ZNF385B: variants seen among roughly 807,000 people sequenced by gnomAD.
ZNF385B encodes zinc finger protein 533.
In ZNF385B, 23 loss-of-function variants were observed where a neutral mutation model predicts 39.2. The observed-to-expected ratio is 0.59, with a 90% CI of 0.42 to 0.83. The LOEUF is 0.83. ZNF385B is among the 40% of genes least tolerant of loss of function. The probability of loss-of-function intolerance (pLI) is 0.00; values close to 1 mark genes in which losing one functional copy is unlikely to be tolerated. For missense variants in ZNF385B, 552 were observed against 598.9 expected, an observed-to-expected ratio of 0.92 and a Z score of 0.82; for synonymous variants, 205 against 222.6, an observed-to-expected ratio of 0.92 and a Z score of 0.70.
intron 3 of ZNF385B, among the ~76,000 whole-genome samples, chr2:179,570,118 A>C (rs1025759426): frequency 1.3e-5 from 2 of 152,162 alleles, no homozygotes; most frequent in African/African-American, 4.8e-5. Flanking sequence ...TTACTGGGGC[A>C]TGTAGGGGAT....
chr2:179,720,742 A>T (rs1209053601), intron 3 of ZNF385B, among the ~76,000 whole-genome samples: 2 of 152,090 alleles, frequency 1.3e-5, no homozygotes, highest in East Asian at 3.9e-4. Flanking sequence ...AATATAAAAG[A>T]AAATACCAAA....
At chr2:179,650,556 C>A (rs1029463861) in intron 3 of ZNF385B, among the ~76,000 whole-genome samples, 1 of 152,118 alleles carries the variant, frequency 6.6e-6, no homozygotes, top group Non-Finnish European at 1.5e-5. Flanking sequence ...CATGCTTGAG[C>A]TTAGTGCAAA....
At chr2:179,481,184 G>T (rs1489578476) in intron 6 of ZNF385B, 1 of 152,164 alleles carries the variant, frequency 6.6e-6, no homozygotes, top group African/African-American at 2.4e-5. Context: ...TGCTTAGAAA[G>T]TGTCTTTGTT....
At chr2:179,592,706 A>G (rs925913458) in intron 3 of ZNF385B, among the ~76,000 whole-genome samples, 1 of 152,116 alleles carries the variant, frequency 6.6e-6, no homozygotes, top group Admixed American at 6.5e-5. Context: ...TTGTTGCATT[A>G]TGTTAATTAT....
At chr2:179,626,560 G>C (rs1024512234) in intron 3 of ZNF385B, among the ~76,000 whole-genome samples, 2 of 152,134 alleles carry the variant, frequency 1.3e-5, no homozygotes, top group African/African-American at 2.4e-5. Flanking sequence ...TTTAGTATTA[G>C]TGTCTGCAGA....
intron 3 of ZNF385B, among the ~76,000 whole-genome samples, chr2:179,768,504 C>T (rs1703832980): frequency 6.6e-6 from 1 of 152,102 alleles, no homozygotes; most frequent in Admixed American, 6.5e-5. Context: ...ATTTACAACA[C>T]ACCAAGAACC....
intron 1 of ZNF385B, among the ~76,000 whole-genome samples, chr2:179,846,764 G>A (rs1708821830): frequency 1.3e-5 from 2 of 152,218 alleles, no homozygotes; most frequent in South Asian, 4.1e-4. Context: ...TAGCTTTCAG[G>A]CAGGGGCTAA....
In ZNF385B at chr2:179,861,433, C is replaced by CGCCCGGCCCG. The variant is rs913669410; in HGVS notation, c.-497_-488dup. ...GCGTGTGCCCGGAGCCCGCTGGGCG[C>CGCCCGGCCCG]GCCCGGCCCGGCCCGGCCCCGCCGC... On this transcript the variant is annotated 5_prime_UTR_variant, in exon 1 of 10. Transcript: ENST00000410066. 1.3e-5 allele frequency: 2 copies of CGCCCGGCCCG among 150,756 alleles called. No individual in the cohort carries two copies. Among genetic ancestry groups the CGCCCGGCCCG allele is most frequent in the Admixed American group, 6.6e-5 (1 of 15,080 alleles). 9.3% of individuals were successfully genotyped at this position (150,756 alleles called of 1,614,324 possible). A position where few individuals can be genotyped will look rare whatever the true frequency, so the allele number is the denominator to read the frequency against.
intron 1 of ZNF385B, among the ~76,000 whole-genome samples, chr2:179,851,230 T>G (rs961237498): frequency 2.0e-5 from 3 of 152,208 alleles, no homozygotes; most frequent in African/African-American, 7.2e-5. Context: ...GCAGGAGGAC[T>G]GCTTGAGGCC....
chr2:179,786,654 C>T (rs1339861795), intron 1 of ZNF385B, among the ~76,000 whole-genome samples: 1 of 151,804 alleles, frequency 6.6e-6, no homozygotes, highest in African/African-American at 2.4e-5. Flanking sequence ...ACTTCATCTT[C>T]CCTGGAGCCT....
At chr2:179,523,548 A>G (rs1176789436) in intron 4 of ZNF385B, among the ~76,000 whole-genome samples, 2 of 152,290 alleles carry the variant, frequency 1.3e-5, no homozygotes, top group East Asian at 3.9e-4. Context: ...GCGACTTGAC[A>G]TAATACTAGA....
chr2:179,634,840 T>C (rs1256141016), intron 3 of ZNF385B, among the ~76,000 whole-genome samples: 5 of 152,080 alleles, frequency 3.3e-5, no homozygotes, highest in Non-Finnish European at 5.9e-5. Flanking sequence ...TAAGAAAATG[T>C]GGCACATGGC....
intron 3 of ZNF385B, among the ~76,000 whole-genome samples, chr2:179,759,612 T>C (rs181117600): frequency 6.6e-6 from 1 of 152,280 alleles, no homozygotes; most frequent in East Asian, 1.9e-4. Context: ...GAATGTTTTT[T>C]CTTGAATAAT....
At chr2:179,542,562 T>C (rs1007465927) in intron 4 of ZNF385B, among the ~76,000 whole-genome samples, 5 of 152,198 alleles carry the variant, frequency 3.3e-5, no homozygotes, top group African/African-American at 4.8e-5. Flanking sequence ...CCAAATGACA[T>C]GTTAGTGCAT....
At chr2:179,523,611 T>A (rs1002018597) in intron 4 of ZNF385B, among the ~76,000 whole-genome samples, 1 of 151,840 alleles carries the variant, frequency 6.6e-6, no homozygotes, top group African/African-American at 2.4e-5. Flanking sequence ...GCAGAGAAAA[T>A]AGAATTATAA....
intron 1 of ZNF385B, among the ~76,000 whole-genome samples, chr2:179,835,302 G>T (rs550911207): frequency 6.6e-6 from 1 of 152,240 alleles, no homozygotes; most frequent in East Asian, 1.9e-4. Flanking sequence ...CCTAGTGAAG[G>T]GTTTACGCAA....
chr2:179,710,028 A>T (rs1482757999), intron 3 of ZNF385B, among the ~76,000 whole-genome samples: 1 of 152,152 alleles, frequency 6.6e-6, no homozygotes, highest in Non-Finnish European at 1.5e-5. Context: ...CTGGATATTC[A>T]CTGACATTTC....
Position 179,803,772 on chromosome 2 carries a change from T to TA in ZNF385B, c.-154-33101dup, listed in dbSNP as rs61008177. On this transcript the variant is annotated intron_variant, in intron 1 of 9. Coordinates refer to ENST00000410066, the MANE Select transcript of ZNF385B (RefSeq NM_152520.6). ...ATGTAAAGAGGCTCAGCCCCTTTCT[T>TA]AAAAAAAAAAATACAGCCAGTAACA... Among the ~76,000 whole-genome samples the TA allele has an allele frequency of 6.8e-3, 1,002 of 147,498 alleles. 9 individuals are homozygous for TA. Among genetic ancestry groups the TA allele is most frequent in the African/African-American group, 0.022 (909 of 40,542 alleles).
intron 1 of ZNF385B, among the ~76,000 whole-genome samples, chr2:179,835,551 C>G (rs957012708): frequency 6.6e-6 from 1 of 152,154 alleles, no homozygotes; most frequent in African/African-American, 2.4e-5. Context: ...AGGAATACGA[C>G]GCTTGCTAAC....
Sources: gnomAD v4.1 joint callset for allele counts (sites outside exome capture counted in the v4.1 genomes callset) on GRCh38, gnomAD v4.1.1 for gene constraint, MANE v1.5 for transcripts, NCBI Gene and HGNC (gene_info 2026-07-23, HGNC 2026-07-21) for gene names.